The following RANBP17 variants were observed in gnomAD, a reference collection of about 807,000 sequenced individuals.
RANBP17 encodes the protein RAN binding protein 17, also known as ran-binding protein 17.
In RANBP17, 158 loss-of-function variants were observed where a neutral mutation model predicts 141.2. That is an observed-to-expected ratio of 1.12 (90% confidence interval 0.98 to 1.28). RANBP17 has a LOEUF of 1.28. Ranked by LOEUF, RANBP17 falls within the 50% of genes most tolerant of loss-of-function variation. The probability of loss-of-function intolerance (pLI) is 0.00; values close to 1 mark genes in which losing one functional copy is unlikely to be tolerated. For synonymous variants in RANBP17, 430 were observed against 450.0 expected (o/e 0.96, Z 0.56); for missense variants, 1,438 against 1,290.7 (o/e 1.11, Z -1.75).
At chr5:171,088,109 T>A (rs1432035824) in intron 14 of RANBP17, among the ~76,000 whole-genome samples, 1 of 152,000 alleles carries the variant, frequency 6.6e-6, no homozygotes, top group African/African-American at 2.4e-5. Context: ...GTACCGGTTG[T>A]TCCTTTCCAT....
At chr5:171,101,505 A>G (rs1321327099) in intron 14 of RANBP17, among the ~76,000 whole-genome samples, 1 of 152,018 alleles carries the variant, frequency 6.6e-6, no homozygotes, top group Non-Finnish European at 1.5e-5. Context: ...TGCATGTGAG[A>G]TGGGTCTCCT....
At chr5:170,964,202 T>A (rs1220970845) in intron 13 of RANBP17, among the ~76,000 whole-genome samples, 1 of 152,212 alleles carries the variant, frequency 6.6e-6, no homozygotes, top group Non-Finnish European at 1.5e-5. Flanking sequence ...TAATTTATGC[T>A]GTTCGAGTGA....
chr5:171,017,695 C>G (rs940372599), intron 14 of RANBP17, among the ~76,000 whole-genome samples: 1 of 152,140 alleles, frequency 6.6e-6, no homozygotes, highest in African/African-American at 2.4e-5. Context: ...TTTCTCCCAT[C>G]TATAGGTTGC....
At chr5:171,252,426 C>T (rs748919461) in intron 24 of RANBP17, 128 of 1,513,292 alleles carry the variant, frequency 8.5e-5, no homozygotes, top group African/African-American at 5.6e-4. Flanking sequence ...TGTCTGTTGA[C>T]GTGGAACAAA....
chr5:171,287,387 G>A (rs906050499), intron 25 of RANBP17, among the ~76,000 whole-genome samples: 14 of 152,188 alleles, frequency 9.2e-5, no homozygotes, highest in African/African-American at 2.9e-4. Flanking sequence ...CTGTTTGGGA[G>A]GCTGAGGCAG....
At chr5:170,996,665 T>G (rs569340000) in intron 14 of RANBP17, among the ~76,000 whole-genome samples, 1 of 152,222 alleles carries the variant, frequency 6.6e-6, no homozygotes, top group Non-Finnish European at 1.5e-5. Flanking sequence ...CTGGGTAAGA[T>G]GTACTGCTTC....
chr5:171,141,736 G>A (rs4868069), intron 14 of RANBP17, among the ~76,000 whole-genome samples: 105,900 of 151,704 alleles, frequency 0.7, 37,148 homozygotes, highest in South Asian at 0.86. Context: ...CTTATTTGAC[G>A]GGAGTGTCTA....
At chr5:171,291,283 G>C (rs1226134877) in intron 25 of RANBP17, among the ~76,000 whole-genome samples, 2 of 152,208 alleles carry the variant, frequency 1.3e-5, no homozygotes, top group African/African-American at 4.8e-5. Context: ...TAATGCAGTA[G>C]ATATCGTATG....
chr5:171,065,060 C>T (rs1203326552), intron 14 of RANBP17, among the ~76,000 whole-genome samples: 6 of 148,118 alleles, frequency 4.1e-5, no homozygotes, highest in Middle Eastern at 3.4e-3. Context: ...AGTTAGGAAC[C>T]CTTTCCTTAC....
chr5:171,026,969 C>A (rs1019341598), intron 14 of RANBP17, among the ~76,000 whole-genome samples: 2 of 152,066 alleles, frequency 1.3e-5, no homozygotes, highest in Non-Finnish European at 2.9e-5. Flanking sequence ...GCATTAGATT[C>A]TCATAGGAGG....
Position 171,265,807 on chromosome 5 carries a change from T to C in RANBP17, c.2903T>C (p.Leu968Pro). Reference protein sequence around the residue: ...CREATQAGQRLLHFMQQNPDV... With the variant: ...CREATQAGQRPLHFMQQNPDV... ...GAGGCTACCCAGGCTGGTCAGAGAC[T>C]ATTACATTTTATGCAGCAAAACCCA... The change falls in exon 25 of 28, where the codon CTA (leucine) becomes CCA (proline). Residue 968 changes from leucine to proline, a missense_variant. Leu to Pro is a moderately conservative substitution (Grantham distance 98). Coordinates refer to ENST00000523189, the MANE Select transcript of RANBP17 (RefSeq NM_022897.5). 6.2e-7 allele frequency: 1 copy of C among 1,613,906 alleles called. No homozygotes were observed. Among genetic ancestry groups the C allele is most frequent in the Non-Finnish European group, 8.5e-7 (1 of 1,179,922 alleles).
chr5:171,232,476 T>G (rs1409411378), intron 22 of RANBP17, among the ~76,000 whole-genome samples: 1 of 152,190 alleles, frequency 6.6e-6, no homozygotes, highest in South Asian at 2.1e-4. Context: ...TCTTTTTTCA[T>G]GCAAAATAAT....
intron 21 of RANBP17, among the ~76,000 whole-genome samples, chr5:171,219,357 C>A (rs781083293): frequency 6.6e-6 from 1 of 152,076 alleles, no homozygotes; most frequent in Non-Finnish European, 1.5e-5. Context: ...GAGAATCTGA[C>A]GATTATGTGT....
At chr5:171,230,929 T>C (rs1177057481) in intron 22 of RANBP17, among the ~76,000 whole-genome samples, 1 of 151,842 alleles carries the variant, frequency 6.6e-6, no homozygotes, top group Non-Finnish European at 1.5e-5. Context: ...ATTAGGCTTT[T>C]TTTGGTTTTG....
intron 14 of RANBP17, among the ~76,000 whole-genome samples, chr5:171,137,156 A>G (rs1757343631): frequency 1.3e-5 from 2 of 152,180 alleles, no homozygotes; most frequent in Admixed American, 6.5e-5. Context: ...ACTTGCCTAT[A>G]CTTAATATAT....
intron 14 of RANBP17, among the ~76,000 whole-genome samples, chr5:171,038,489 A>G (rs1399945750): frequency 6.6e-6 from 1 of 151,974 alleles, no homozygotes; most frequent in Non-Finnish European, 1.5e-5. Flanking sequence ...ACTATGTTGA[A>G]TAGGGTGGTG....
At chr5:171,164,368 T>G (rs1410165254) in intron 14 of RANBP17, among the ~76,000 whole-genome samples, 1 of 152,224 alleles carries the variant, frequency 6.6e-6, no homozygotes, top group East Asian at 1.9e-4. Context: ...TTTTTTATTC[T>G]TTATTAAATG....
At chr5:171,064,421 A>G (rs559442003) in intron 14 of RANBP17, among the ~76,000 whole-genome samples, 22 of 152,242 alleles carry the variant, frequency 1.4e-4, no homozygotes, top group Non-Finnish European at 2.9e-4. Flanking sequence ...GAATGAAATT[A>G]CATATGTTTT....
intron 25 of RANBP17, among the ~76,000 whole-genome samples, chr5:171,279,709 A>AT (rs979951809): frequency 1.8e-4 from 27 of 150,478 alleles, no homozygotes; most frequent in Admixed American, 2.7e-4. Context: ...GCCAACACGG[A>AT]TTTTTTTTTT....
Sources: gnomAD v4.1 joint callset for allele counts (sites outside exome capture counted in the v4.1 genomes callset) on GRCh38, gnomAD v4.1.1 for gene constraint, MANE v1.5 for transcripts, NCBI Gene and HGNC (gene_info 2026-07-23, HGNC 2026-07-21) for gene names.